The following TNXB variants were observed in gnomAD, a reference collection of about 807,000 sequenced individuals.
The protein encoded by TNXB is tenascin XB, also known as tenascin-X.
In TNXB, 183 loss-of-function variants were observed where a neutral mutation model predicts 340.5. That is an observed-to-expected ratio of 0.54 (90% CI 0.48 to 0.61). The LOEUF (loss-of-function observed/expected upper bound fraction) is 0.61, where lower values mean the gene tolerates loss of function less well. Ranked by LOEUF, TNXB falls within the 20% of genes least tolerant of loss-of-function variation. TNXB has a pLI of 0.00. For synonymous variants in TNXB, 2,121 were observed against 2,314.5 expected, an observed-to-expected ratio of 0.92 and a Z score of 2.40; for missense variants, 4,613 against 5,446.4, an observed-to-expected ratio of 0.85 and a Z score of 4.82.
In TNXB at chr6:32,042,279, T is replaced by C; in HGVS notation, c.12294A>G (p.Gly4098=). ...DYAHGFGNIS[G]EFWLGNEALH... ...TGAGGCACTGACCCAGCCAGAACTC[T>C]CCAGAGATGTTCCCAAAACCATGGG... Residue 4098 remains glycine (G), a synonymous_variant, in exon 41 of 44, where the codon GGA becomes GGG. Transcript: ENST00000644971. 1.5e-6 allele frequency: 2 copies of C among 1,367,638 alleles called. No individual in the cohort carries two copies. The highest frequency in any genetic ancestry group is 2.0e-6 in the Non-Finnish European group (2 of 979,016). 84.7% of individuals were successfully genotyped at this position (1,367,638 alleles called of 1,614,324 possible).
chr6:32,074,012 T>C lies in TNXB; in HGVS notation c.4376-60A>G, dbSNP rs540764485. The C allele has an allele frequency of 1.5e-6, 2 of 1,357,848 alleles. No individual in the cohort carries two copies. The highest frequency in any genetic ancestry group is 1.6e-5 in the South Asian group (1 of 63,808). The allele number at this position is 1,357,848 out of a possible 1,614,324, so 84.1% of individuals were successfully genotyped here. A position where few individuals can be genotyped will look rare whatever the true frequency, so the allele number is the denominator to read the frequency against. ...AATCCCCCTTTTCTTATAGTAATGA[T>C]GTCTAGTTATTTATTTTTTATTTTT... On this transcript the variant is annotated intron_variant, in intron 11 of 43. Transcript: ENST00000644971. The surrounding 1 kb of genome is among the most constrained non-coding windows in gnomAD (Gnocchi z 5.5).
In TNXB at chr6:32,093,208, A is replaced by C. The variant is rs997207386; in HGVS notation, c.2358+1868T>G. ...ATGTAAATAATATATACAGAGAAGAAGAGAGTGGGAGAAACACTTTAAAAT... is the reference window on the plus strand; with the variant it reads ...ATGTAAATAATATATACAGAGAAGACGAGAGTGGGAGAAACACTTTAAAAT... On this transcript the variant is annotated intron_variant, in intron 4 of 43. Coordinates refer to ENST00000644971, the MANE Select transcript of TNXB (RefSeq NM_001365276.2). 3 of 598,402 alleles carry C rather than the reference A, an allele frequency of 5.0e-6. No homozygotes were observed. In the African/African-American group the frequency reaches 5.5e-5, roughly 11 times the overall value. The allele number at this position is 598,402 out of a possible 1,614,324, so 37.1% of individuals were successfully genotyped here.
chr6:32,061,747 G>A lies in TNXB; in HGVS notation c.7169-27C>T, dbSNP rs771921105. The A allele has an allele frequency of 6.2e-7, 1 of 1,604,192 alleles. No individual in the cohort carries two copies. The highest frequency in any genetic ancestry group is 1.1e-5 in the South Asian group (1 of 90,796). On this transcript the variant is annotated intron_variant, in intron 20 of 43. Transcript: ENST00000644971. This position sits in a 1 kb window ranked among gnomAD's most constrained non-coding sequence, Gnocchi z 4.4. ...TGAGAAAAAGGGACACAGAGAGGAT[G>A]GCAGGGTCCCTGGGGGATGTGCTTA...
chr6:32,082,828 A>G lies in TNXB; in HGVS notation c.3446-502T>C, dbSNP rs949429529. Among the ~76,000 whole-genome samples the G allele has an allele frequency of 2.6e-5, 4 of 152,018 alleles. No individual in the cohort carries two copies. The highest frequency in any genetic ancestry group is 9.7e-5 in the African/African-American group (4 of 41,396). On this transcript the variant is annotated intron_variant, in intron 8 of 43. Transcript: ENST00000644971. This position sits in a 1 kb window ranked among gnomAD's most constrained non-coding sequence, Gnocchi z 5.0. ...TCCTCCTCTTTGGGAACTTTGACCC[A>G]TGGATGGACTCCCTCGCCTGCAGCA...
rs1210653275 is a variant in TNXB, at chr6:32,049,583, T to C, written c.9444A>G (p.Glu3148=). The change falls in exon 28 of 44, where the codon GAA becomes GAG. Residue 3148 remains glutamate, a synonymous_variant. Coordinates refer to ENST00000644971, the MANE Select transcript of TNXB (RefSeq NM_001365276.2). The surrounding 1 kb of genome is among the most constrained non-coding windows in gnomAD (Gnocchi z 4.5). ...GPVSAIGVTE[E]ETPSPTEPST... ...TGGGTTCTGTGGGGCTGGGGGTCTC[T>C]TCCTCTGCAGTGGAGAAGGAGGGAG... 6.2e-7 allele frequency: 1 copy of C among 1,610,654 alleles called. No individual in the cohort carries two copies. The highest frequency in any genetic ancestry group is 1.3e-5 in the African/African-American group (1 of 74,934).
chr6:32,081,492 A>G lies in TNXB; in HGVS notation c.3918T>C (p.Pro1306=). 6.2e-7 allele frequency: 1 copy of G among 1,606,076 alleles called. No homozygotes were observed. The highest frequency in any genetic ancestry group is 8.5e-7 in the Non-Finnish European group (1 of 1,176,390). Reference sequence around the variant, plus strand: ...TAACCTCATTCTCATCCCCCGCAACAGGCACTGCCTGGGGCTGCCCCTGTG... The same window carrying G: ...TAACCTCATTCTCATCCCCCGCAACGGGCACTGCCTGGGGCTGCCCCTGTG... ...KDAQGQPQAV[P]VAGDENEVTV... The change falls in exon 10 of 44, where the codon CCT becomes CCC. Residue 1306 remains proline (P), a synonymous_variant. Transcript: ENST00000644971. The surrounding 1 kb of genome is among the most constrained non-coding windows in gnomAD (Gnocchi z 5.1).
Position 32,069,037 on chromosome 6 carries a change from G to A in TNXB, c.5687C>T (p.Thr1896Ile). The A allele has an allele frequency of 6.2e-7, 1 of 1,612,862 alleles. No individual in the cohort carries two copies. The highest frequency in any genetic ancestry group is 8.5e-7 in the Non-Finnish European group (1 of 1,179,872). Reference protein sequence around the residue: ...ELTVEEATSHTLHLSWMVTEG... With the variant: ...ELTVEEATSHILHLSWMVTEG... The stretch of plus-strand genomic sequence containing the variant: ...AGTCACCATCCAGGAGAGATGCAGG[G>A]TGTGTGACGTGGCCTCCTCCACTGT... The change falls in exon 16 of 44, where the codon ACC (threonine) becomes ATC (isoleucine). Residue 1896 changes from threonine (T) to isoleucine (I), a missense_variant. By Grantham distance (89) the Thr-to-Ile change is moderately conservative (BLOSUM62 -1). Around this residue, in one of 7 missense-constraint regions of TNXB, gnomAD observed 4,327 missense variants for 4,859.4 expected, o/e 0.89. Coordinates refer to ENST00000644971, the MANE Select transcript of TNXB (RefSeq NM_001365276.2). The surrounding 1 kb of genome is among the most constrained non-coding windows in gnomAD (Gnocchi z 6.2).
Position 32,086,033 on chromosome 6 carries a change from G to A in TNXB, c.2865C>T (p.Leu955=), listed in dbSNP as rs755735644. The change falls in exon 7 of 44, where the codon CTC becomes CTT. Residue 955 remains leucine, a synonymous_variant. Transcript: ENST00000644971. The part of the protein sequence containing the change: ...PSTTQGAQAP[L]LQQRPQELGE... ...CCAGCTCCTGGGGGCGCTGCTGCAG[G>A]AGAGGAGCCTGGGCCCCTTGCGTCG... 1.2e-6 allele frequency: 2 copies of A among 1,605,192 alleles called. No homozygotes were observed. Among genetic ancestry groups the A allele is most frequent in the South Asian group, 2.2e-5 (2 of 89,510 alleles).
Position 32,043,730 on chromosome 6 carries a change from G to C in TNXB, c.11530+19C>G, listed in dbSNP as rs762185803. The C allele has an allele frequency of 1.9e-6, 3 of 1,613,426 alleles. No individual in the cohort carries two copies. The highest frequency in any genetic ancestry group is 2.5e-6 in the Non-Finnish European group (3 of 1,180,002). Reference sequence around the variant, plus strand: ...TTTCTTGGCTCCCACCTCTTGCCCCGGGTCCCAGTCCATCTCACCCGTGGT... The same window carrying C: ...TTTCTTGGCTCCCACCTCTTGCCCCCGGTCCCAGTCCATCTCACCCGTGGT... On this transcript the variant is annotated intron_variant, in intron 35 of 43. Coordinates refer to ENST00000644971, the MANE Select transcript of TNXB (RefSeq NM_001365276.2).
rs1283986780 is a variant in TNXB at position 32,075,434 on chromosome 6, T to A, written c.4376-1482A>T. On this transcript the variant is annotated intron_variant, in intron 11 of 43. Transcript: ENST00000644971. This position sits in a 1 kb window ranked among gnomAD's most constrained non-coding sequence, Gnocchi z 4.6. Reference sequence around the variant, plus strand: ...CTTCTCGCCTGCCAGTCTCTGCATTTGCTCTTCCTTCTGTCTGGGATGCTC... The same window carrying A: ...CTTCTCGCCTGCCAGTCTCTGCATTAGCTCTTCCTTCTGTCTGGGATGCTC... 6.6e-6 allele frequency among the ~76,000 whole-genome samples: 1 copy of A among 152,234 alleles called. No homozygotes were observed. The highest frequency in any genetic ancestry group is 1.9e-4 in the East Asian group (1 of 5,202).
intron 4 of TNXB, among the ~76,000 whole-genome samples, chr6:32,093,913 G>A (rs2127282326): frequency 6.6e-6 from 1 of 152,010 alleles, no homozygotes; most frequent in Non-Finnish European, 1.5e-5. Flanking sequence ...ATGCAACATG[G>A]AGAAACCCCG....
In TNXB at chr6:32,095,724, C is replaced by T. The variant is rs1480716102; in HGVS notation, c.2129G>A (p.Arg710Gln). The change falls in exon 3 of 44, where the codon CGA becomes CAA. Residue 710 changes from arginine (R) to glutamine (Q), a missense_variant. This residue lies in a region of TNXB where 4,327 missense variants were observed against 4,859.4 expected (regional missense o/e 0.89). Transcript: ENST00000644971. ...TGTCTGGATGGCACAGTCAGGGCCT[C>T]GGAAGCCCTCTACACACACACACTG... The part of the protein sequence containing the change: ...AGQCVCVEGF[R>Q]GPDCAIQTCP... 3.1e-6 allele frequency: 5 copies of T among 1,613,894 alleles called. No homozygotes were observed. Among genetic ancestry groups the T allele is most frequent in the African/African-American group, 1.3e-5 (1 of 75,018 alleles).
Position 32,082,081 on chromosome 6 carries a change from C to T in TNXB, c.3691G>A (p.Ala1231Thr). ...HKYRFTLFGI[A>T]NKKRYGPLTA... is the part of the protein sequence containing the mutation. ...AGGGGGCCATACCGCTTCTTGTTCG[C>T]AATTCCAAACAGAGTGAATCTGTAC... The change falls in exon 9 of 44, where the codon GCG becomes ACG. Residue 1231 changes from alanine to threonine, a missense_variant. Physicochemically the swap from Ala to Thr is moderately conservative, Grantham distance 58. Around this residue, in one of 7 missense-constraint regions of TNXB, gnomAD observed 4,327 missense variants for 4,859.4 expected, o/e 0.89. Transcript: ENST00000644971. The surrounding 1 kb of genome is among the most constrained non-coding windows in gnomAD (Gnocchi z 5.0). 1 of 1,609,406 alleles carries T rather than the reference C, an allele frequency of 6.2e-7. No individual in the cohort carries two copies. The highest frequency in any genetic ancestry group is 8.5e-7 in the Non-Finnish European group (1 of 1,178,158).
intron 18 of TNXB, among the ~76,000 whole-genome samples, chr6:32,066,430 T>C (rs1272336344): frequency 6.6e-6 from 1 of 152,082 alleles, no homozygotes. Flanking sequence ...AATCAATCAA[T>C]AGCAATGTAG....
chr6:32,050,333 C>T lies in TNXB; in HGVS notation c.9116-12G>A, dbSNP rs369916108. On this transcript the variant is annotated splice_polypyrimidine_tract_variant and intron_variant, in intron 26 of 43. Coordinates refer to ENST00000644971, the MANE Select transcript of TNXB (RefSeq NM_001365276.2). Reference sequence around the variant, plus strand: ...TTCATCCTTTGGAGCTGGACAGACACGTGTGGGGACAGTGAGGACCCTGGG... The same window carrying T: ...TTCATCCTTTGGAGCTGGACAGACATGTGTGGGGACAGTGAGGACCCTGGG... 551 of 1,608,960 alleles carry T rather than the reference C, an allele frequency of 3.4e-4. No individual in the cohort carries two copies. The highest frequency in any genetic ancestry group is 4.4e-4 in the Non-Finnish European group (520 of 1,176,462).
chr6:32,100,913 C>G (rs1366620729), intron 1 of TNXB, among the ~76,000 whole-genome samples: 3 of 151,000 alleles, frequency 2.0e-5, no homozygotes, highest in Non-Finnish European at 4.4e-5. Flanking sequence ...AACCCCATCT[C>G]TACTAAAAAT....
At position 32,084,667 on chromosome 6, in the gene TNXB, C is replaced by A; in HGVS notation, c.3191G>T (p.Arg1064Leu). 6.3e-7 allele frequency: 1 copy of A among 1,591,842 alleles called. No individual in the cohort carries two copies. The highest frequency in any genetic ancestry group is 1.1e-5 in the South Asian group (1 of 88,760). The change falls in exon 8 of 44, where the codon CGC (arginine) becomes CTC (leucine). Residue 1064 changes from arginine to leucine, a missense_variant. By Grantham distance (102) the Arg-to-Leu change is moderately radical. Around this residue, in one of 7 missense-constraint regions of TNXB, gnomAD observed 4,327 missense variants for 4,859.4 expected, o/e 0.89. Coordinates refer to ENST00000644971, the MANE Select transcript of TNXB (RefSeq NM_001365276.2). The surrounding 1 kb of genome is among the most constrained non-coding windows in gnomAD (Gnocchi z 5.5). ...GTCTGTCACCGTCAGCTCACCCAGG[C>A]GTGGTGGGCCTGAGGACTTCCCAGG... ...EKPGKSSGPP[R>L]LGELTVTDRT...
rs989584583 is a variant in TNXB at position 32,058,569 on chromosome 6, C to T, written c.7493-179G>A. On this transcript the variant is annotated intron_variant, in intron 21 of 43. Transcript: ENST00000644971. The surrounding 1 kb of genome is among the most constrained non-coding windows in gnomAD (Gnocchi z 5.1). ...TAAGAGCCGGTGAGGTATCCCCGAG[C>T]CCCCGGCCTGTACTGCTGGCAGAGC... Among the ~76,000 whole-genome samples the T allele has an allele frequency of 2.1e-4, 32 of 151,778 alleles. No homozygotes were observed. Among genetic ancestry groups the T allele is most frequent in the African/African-American group, 7.1e-4 (29 of 41,054 alleles).
At position 32,052,705 on chromosome 6, in the gene TNXB, T is replaced by C. The variant is rs767216957; in HGVS notation, c.9080A>G (p.Gln3027Arg). ...KMHLYGLHEG[Q>R]RVGPVSAVGV... ...CACAGCGGACACTGGGCCCACGCGC[T>C]GCCCCTCGTGGAGGCCGTACAGGTG... is the stretch of plus-strand genomic sequence containing the variant. Residue 3027 changes from glutamine (Q) to arginine (R), a missense_variant, in exon 26 of 44, where the codon CAG becomes CGG. Gln to Arg is a conservative substitution (Grantham distance 43). Around this residue, in one of 7 missense-constraint regions of TNXB, gnomAD observed 4,327 missense variants for 4,859.4 expected, o/e 0.89. Coordinates refer to ENST00000644971, the MANE Select transcript of TNXB (RefSeq NM_001365276.2). This position sits in a 1 kb window ranked among gnomAD's most constrained non-coding sequence, Gnocchi z 4.7. 43 of 1,613,500 alleles carry C rather than the reference T, an allele frequency of 2.7e-5. No individual in the cohort carries two copies. Among genetic ancestry groups the C allele is most frequent in the Non-Finnish European group, 3.2e-5 (38 of 1,179,776 alleles).
Sources: gnomAD v4.1 joint callset for allele counts (sites outside exome capture counted in the v4.1 genomes callset) on GRCh38, gnomAD v4.1.1 for gene constraint, gnomAD v4.1.1 regional missense constraint, Gnocchi (gnomAD v3.1) non-coding constraint, MANE v1.5 for transcripts, NCBI Gene and HGNC (gene_info 2026-07-23, HGNC 2026-07-21) for gene names.